Variants in SYT1 observed in about 807,000 individuals in gnomAD.
The protein encoded by SYT1 is synaptotagmin-1.
Under a neutral mutation model 44.8 loss-of-function variants are expected in SYT1, and 8 were observed. That is an observed-to-expected ratio of 0.18 (90% CI 0.10 to 0.32). SYT1 has a LOEUF of 0.32. Ranked by LOEUF, SYT1 falls within the 10% of genes least tolerant of loss-of-function variation. The pLI is 1.00. For synonymous variants in SYT1, 154 were observed against 188.8 expected (o/e 0.82, Z 1.51); for missense variants, 286 against 509.3 (o/e 0.56, Z 4.22).
intron 1 of SYT1, among the ~76,000 whole-genome samples, chr12:78,954,423 T>G (rs1879112878): frequency 6.6e-6 from 1 of 152,082 alleles, no homozygotes; most frequent in African/African-American, 2.4e-5. Flanking sequence ...TATAGTAATT[T>G]TTTAAATTAC....
At chr12:79,337,555 C>T (rs962313805) in intron 8 of SYT1, among the ~76,000 whole-genome samples, 2 of 152,182 alleles carry the variant, frequency 1.3e-5, no homozygotes, top group South Asian at 4.1e-4. Flanking sequence ...AAAGTCCTTG[C>T]AGTCATTGAG....
intron 1 of SYT1, among the ~76,000 whole-genome samples, chr12:78,932,173 G>C (rs2137214363): frequency 6.6e-6 from 1 of 152,262 alleles, no homozygotes; most frequent in South Asian, 2.1e-4. Context: ...AACATCTTTA[G>C]AATATAATCT....
chr12:79,068,366 T>C (rs1355394513), intron 3 of SYT1, among the ~76,000 whole-genome samples: 1 of 152,158 alleles, frequency 6.6e-6, no homozygotes, highest in East Asian at 1.9e-4. Flanking sequence ...GTGTCTAGTC[T>C]AAATACTTGA....
chr12:79,302,142 C>T (rs1414186856), intron 8 of SYT1, among the ~76,000 whole-genome samples: 5 of 152,044 alleles, frequency 3.3e-5, no homozygotes, highest in African/African-American at 1.2e-4. Flanking sequence ...ATTGTTTTTC[C>T]ACTTTACATG....
chr12:79,322,788 C>G (rs1881427783), intron 8 of SYT1, among the ~76,000 whole-genome samples: 2 of 152,122 alleles, frequency 1.3e-5, no homozygotes, highest in Admixed American at 6.6e-5. Flanking sequence ...CCACTTGAGG[C>G]AGCTGGGAAT....
intron 2 of SYT1, among the ~76,000 whole-genome samples, chr12:79,027,689 A>G (rs1402184130): frequency 1.3e-5 from 2 of 151,616 alleles, no homozygotes; most frequent in Non-Finnish European, 3.0e-5. Context: ...AAGAAGTCAA[A>G]CTAAAACATA....
At chr12:79,256,924 A>C (rs1245835) in intron 4 of SYT1, among the ~76,000 whole-genome samples, 107,954 of 152,060 alleles carry the variant, frequency 0.71, 38,857 homozygotes, top group African/African-American at 0.79. Flanking sequence ...AGGAAATCTC[A>C]AATCAAAGCT....
intron 2 of SYT1, among the ~76,000 whole-genome samples, chr12:79,014,122 C>CAAAAAAAAAAAAAAAAAAAAAAAAA (rs1358787041): frequency 3.3e-4 from 13 of 39,614 alleles, no homozygotes; most frequent in Non-Finnish European, 4.6e-4. Flanking sequence ...AGACTCTCTC[C>CAAAAAAAAAAAAAAAAAAAAAAAAA]AAAAAAAAAA....
At chr12:79,375,996 T>C (rs922108105) in intron 9 of SYT1, among the ~76,000 whole-genome samples, 2 of 152,186 alleles carry the variant, frequency 1.3e-5, no homozygotes, top group Non-Finnish European at 2.9e-5. Flanking sequence ...TAAAGAAAAA[T>C]GATTAATCAT....
intron 9 of SYT1, among the ~76,000 whole-genome samples, chr12:79,422,283 G>A: frequency 6.6e-6 from 1 of 151,842 alleles, no homozygotes; most frequent in East Asian, 1.9e-4. Context: ...TTGTTCTTTG[G>A]ACTATGTTTT....
At position 78,931,431 on chromosome 12, in the gene SYT1, G is replaced by GGAAGGAAGGAAGGAAA. The variant is rs1264633792; in HGVS notation, c.-216-46365_-216-46364insGGAAGGAAGGAAAGAA. Among the ~76,000 whole-genome samples, 320 of 130,652 alleles carry GGAAGGAAGGAAGGAAA rather than the reference G, an allele frequency of 2.4e-3. 10 individuals are homozygous for GGAAGGAAGGAAGGAAA. In the East Asian group the frequency reaches 0.026, roughly 11 times the overall value. 85.7% of individuals were successfully genotyped at this position (130,652 alleles called of 152,430 possible). A position where few individuals can be genotyped will look rare whatever the true frequency, so the allele number is the denominator to read the frequency against. ...AGGAAGGAAGGAAGGAAGGAAGGAA[G>GGAAGGAAGGAAGGAAA]GAAAAGAAAGAAATAGAGAGAGAGA... is the stretch of plus-strand genomic sequence containing the variant. On this transcript the variant is annotated intron_variant, in intron 1 of 10. Coordinates refer to ENST00000261205, the MANE Select transcript of SYT1 (RefSeq NM_005639.3).
intron 1 of SYT1, among the ~76,000 whole-genome samples, chr12:78,925,748 C>T (rs1470629793): frequency 6.6e-6 from 1 of 151,886 alleles, no homozygotes; most frequent in Non-Finnish European, 1.5e-5. Context: ...AATAATCGCG[C>T]TTTTTCTATG....
chr12:79,080,666 C>T (rs1876970340), intron 3 of SYT1, among the ~76,000 whole-genome samples: 3 of 152,182 alleles, frequency 2.0e-5, no homozygotes, highest in Admixed American at 2.0e-4. Context: ...TGTACTGGCT[C>T]CAATATAAAT....
intron 3 of SYT1, among the ~76,000 whole-genome samples, chr12:79,097,090 C>T (rs1878176201): frequency 6.6e-6 from 1 of 151,882 alleles, no homozygotes; most frequent in Admixed American, 6.6e-5. Flanking sequence ...GGAAGTGTTG[C>T]ATGTAAGGGG....
At chr12:78,972,455 C>T (rs996393876) in intron 1 of SYT1, among the ~76,000 whole-genome samples, 1 of 151,342 alleles carries the variant, frequency 6.6e-6, no homozygotes, top group East Asian at 1.9e-4. Flanking sequence ...AAAAATTATG[C>T]TATGGGAAAA....
At chr12:79,096,288 T>A (rs1251954220) in intron 3 of SYT1, among the ~76,000 whole-genome samples, 3 of 151,930 alleles carry the variant, frequency 2.0e-5, no homozygotes, top group East Asian at 3.9e-4. Context: ...AGATGTAAAT[T>A]TCTTTTACAA....
At chr12:79,276,324 A>G (rs1418159878) in intron 4 of SYT1, among the ~76,000 whole-genome samples, 7 of 152,116 alleles carry the variant, frequency 4.6e-5, no homozygotes, top group African/African-American at 1.4e-4. Context: ...AAAAAATACA[A>G]TTCAGGATAT....
chr12:79,276,767 A>G (rs1437568126), intron 4 of SYT1, among the ~76,000 whole-genome samples: 1 of 151,998 alleles, frequency 6.6e-6, no homozygotes, highest in Non-Finnish European at 1.5e-5. Flanking sequence ...AGTAAACTAG[A>G]CCAAGCAGAT....
chr12:78,876,065 G>C (rs1318576387), intron 1 of SYT1, among the ~76,000 whole-genome samples: 2 of 151,344 alleles, frequency 1.3e-5, no homozygotes, highest in Non-Finnish European at 3.0e-5. Context: ...ATTTCCTTTT[G>C]AGTATATTTT....
Sources: gnomAD v4.1 joint callset for allele counts (sites outside exome capture counted in the v4.1 genomes callset) on GRCh38, gnomAD v4.1.1 for gene constraint, MANE v1.5 for transcripts, NCBI Gene and HGNC (gene_info 2026-07-23, HGNC 2026-07-21) for gene names.